Variants in MCM9 observed in about 807,000 individuals in gnomAD.
MCM9 encodes DNA helicase MCM9.
MCM9 carries 55 observed loss-of-function variants against 72.8 expected under a neutral mutation model. The observed-to-expected ratio is 0.76, with a 90% CI of 0.61 to 0.95. The LOEUF (loss-of-function observed/expected upper bound fraction) is 0.95, where lower values mean the gene tolerates loss of function less well. Among genes scored for constraint, MCM9 ranks in the 40% least tolerant of loss-of-function variants. The probability of loss-of-function intolerance (pLI) is 0.00; values close to 1 mark genes in which losing one functional copy is unlikely to be tolerated. For synonymous variants in MCM9, 480 were observed against 503.4 expected, an observed-to-expected ratio of 0.95 and a Z score of 0.62; for missense variants, 1,279 against 1,377.0, an observed-to-expected ratio of 0.93 and a Z score of 1.13.
chr6:118,858,465 T>G (rs1246846339), intron 8 of MCM9, among the ~76,000 whole-genome samples: 1 of 152,148 alleles, frequency 6.6e-6, no homozygotes, highest in Non-Finnish European at 1.5e-5. Flanking sequence ...AAGCAAGATT[T>G]TTTTCTTATC....
chr6:118,901,248 C>A (rs925860612), intron 8 of MCM9, among the ~76,000 whole-genome samples: 3 of 152,138 alleles, frequency 2.0e-5, no homozygotes, highest in African/African-American at 4.8e-5. Context: ...TTCAAAATAT[C>A]TAAAACTAAC....
intron 3 of MCM9, among the ~76,000 whole-genome samples, chr6:118,928,105 T>C (rs767437788): frequency 4.6e-5 from 7 of 152,146 alleles, no homozygotes; most frequent in Non-Finnish European, 8.8e-5. Flanking sequence ...TAAGAAGCAA[T>C]GCAGTGGTTA....
chr6:118,850,713 C>T (rs1329611339), intron 9 of MCM9, among the ~76,000 whole-genome samples: 3 of 151,846 alleles, frequency 2.0e-5, no homozygotes, highest in Non-Finnish European at 2.9e-5. Flanking sequence ...TTGGAAGCAT[C>T]TGCTCCGCCT....
intron 13 of MCM9, among the ~76,000 whole-genome samples, chr6:118,823,691 C>G (rs947442992): frequency 1.3e-5 from 2 of 152,094 alleles, no homozygotes; most frequent in Non-Finnish European, 2.9e-5. Context: ...TTATAAAGTA[C>G]AATATGATCC....
At chr6:118,930,096 T>C (rs1379821096) in intron 3 of MCM9, among the ~76,000 whole-genome samples, 2 of 96,982 alleles carry the variant, frequency 2.1e-5, no homozygotes, top group Non-Finnish European at 4.7e-5. Flanking sequence ...TATTTATTTA[T>C]TTATTTATTT....
chr6:118,848,240 A>C (rs1776001891), intron 9 of MCM9, among the ~76,000 whole-genome samples: 1 of 151,936 alleles, frequency 6.6e-6, no homozygotes. Context: ...GAAGAGAAGA[A>C]GGGAGAAAGG....
chr6:118,932,573 CAT>C lies in MCM9; in HGVS notation c.-16+32_-16+33del, dbSNP rs1233645685. On this transcript the variant is annotated intron_variant, in intron 2 of 13. Transcript: ENST00000619706. ...CTCTCTTTAGTTATACACACACACT[CAT>C]GTGTATTCTGCTATGTAACTGAAAC... 8 of 969,348 alleles carry C rather than the reference CAT, an allele frequency of 8.3e-6. No homozygotes were observed. The African/African-American group carries it at 8.8e-5, about 11-fold the overall frequency. The allele number at this position is 969,348 out of a possible 1,614,324, so 60.0% of individuals were successfully genotyped here.
At chr6:118,878,378 C>A (rs1268096040) in intron 8 of MCM9, among the ~76,000 whole-genome samples, 1 of 151,830 alleles carries the variant, frequency 6.6e-6, no homozygotes, top group African/African-American at 2.4e-5. Context: ...GTAATTCAAC[C>A]CTACATGAAG....
chr6:118,844,584 A>G (rs1775729530), intron 9 of MCM9, among the ~76,000 whole-genome samples: 1 of 151,878 alleles, frequency 6.6e-6, no homozygotes, highest in Admixed American at 6.6e-5. Flanking sequence ...AATGGAAGAA[A>G]ACAGATCACG....
chr6:118,828,938 G>C (rs982706863), intron 10 of MCM9, 110 bp downstream of exon 10: 3 of 1,086,338 alleles, frequency 2.8e-6, no homozygotes, highest in Non-Finnish European at 3.9e-6. Flanking sequence ...TCTATTGCCT[G>C]GTACTACATA....
At chr6:118,819,979 T>C (rs1195860522) in intron 13 of MCM9, among the ~76,000 whole-genome samples, 5 of 140,742 alleles carry the variant, frequency 3.6e-5, no homozygotes, top group African/African-American at 9.1e-5. Context: ...CCCTTTATCA[T>C]TTTTTTATTG....
At chr6:118,929,632 C>T (rs973601980) in intron 3 of MCM9, among the ~76,000 whole-genome samples, 1 of 152,164 alleles carries the variant, frequency 6.6e-6, no homozygotes, top group Non-Finnish European at 1.5e-5. Flanking sequence ...AGCATTTCGA[C>T]AACATTAACT....
Position 118,894,103 on chromosome 6 carries a change from G to A in MCM9, c.1150+17547C>T, listed in dbSNP as rs182572792. On this transcript the variant is annotated intron_variant, in intron 8 of 13. Coordinates refer to ENST00000619706, the MANE Select transcript of MCM9 (RefSeq NM_017696.3). ...AAGTTTCCGAGTCCATTCCGGGAGC[G>A]GGAGCCCATCTTGCTGGCTGCCGAG... 3.1e-5 allele frequency: 36 copies of A among 1,146,004 alleles called. 2 individuals are homozygous for A. The Admixed American group carries it at 4.0e-4, about 13-fold the overall frequency. 71.0% of individuals were successfully genotyped at this position (1,146,004 alleles called of 1,614,324 possible). A position where few individuals can be genotyped will look rare whatever the true frequency, so the allele number is the denominator to read the frequency against.
At chr6:118,919,954 A>T (rs1781301605) in intron 5 of MCM9, 1 of 152,180 alleles carries the variant, frequency 6.6e-6, no homozygotes, top group South Asian at 2.1e-4. Context: ...TTTGATTCCC[A>T]CAGAGGTTTA....
chr6:118,841,706 C>T (rs1630202), intron 9 of MCM9, among the ~76,000 whole-genome samples: 8,721 of 152,172 alleles, frequency 0.057, 364 homozygotes, highest in East Asian at 0.19. Flanking sequence ...TCTTGTTACA[C>T]GGTTGTGAAT....
Position 118,815,548 on chromosome 6 carries a change from TC to T in MCM9, c.2707del (p.Glu903LysfsTer29). Reference protein sequence around the residue: ...RKRPKSLAQVEEPAIENVKPP... With the variant: ...RKRPKSLAQVXEPAIENVKPP... ...CTTAACATTTTCAATTGCAGGCTCTTCCACTTGCGCAAGGGATTTCGGTCTC... is the reference window on the plus strand; with the variant it reads ...CTTAACATTTTCAATTGCAGGCTCTTCACTTGCGCAAGGGATTTCGGTCTC... On this transcript the variant is annotated frameshift_variant, in exon 14 of 14. Coordinates refer to ENST00000619706, the MANE Select transcript of MCM9 (RefSeq NM_017696.3). LOFTEE classifies it low-confidence loss of function (END_TRUNC). 1 of 1,549,772 alleles carries T rather than the reference TC, an allele frequency of 6.5e-7. No individual in the cohort carries two copies. Among genetic ancestry groups the T allele is most frequent in the East Asian group, 2.4e-5 (1 of 40,900 alleles).
intron 4 of MCM9, among the ~76,000 whole-genome samples, chr6:118,922,908 C>T (rs1030363563): frequency 6.6e-6 from 1 of 151,464 alleles, no homozygotes. Flanking sequence ...GGCACACGCC[C>T]GTAATCCCAG....
intron 9 of MCM9, among the ~76,000 whole-genome samples, chr6:118,849,457 AAT>A (rs1776090562): frequency 6.6e-6 from 1 of 150,866 alleles, no homozygotes; most frequent in East Asian, 1.9e-4. Flanking sequence ...GTGTGTGTAT[AAT>A]ATATATACAT....
At chr6:118,904,918 A>C (rs1780069895) in intron 8 of MCM9, among the ~76,000 whole-genome samples, 1 of 152,146 alleles carries the variant, frequency 6.6e-6, no homozygotes, top group Non-Finnish European at 1.5e-5. Context: ...GCTCACTGCA[A>C]CTTCCACCTC....
Sources: allele counts gnomAD v4.1 joint callset (sites outside exome capture counted in the v4.1 genomes callset), GRCh38; gene constraint gnomAD v4.1.1; transcripts MANE v1.5; gene names NCBI Gene and HGNC (gene_info 2026-07-23, HGNC 2026-07-21).